The following PHF8 variants were observed in gnomAD, a reference collection of about 807,000 sequenced individuals.
PHF8 encodes the protein histone lysine demethylase PHF8.
A neutral mutation model predicts 74.4 loss-of-function variants in PHF8; 9 were observed. The observed-to-expected ratio is 0.12, with a 90% CI of 0.07 to 0.21. PHF8 has a LOEUF of 0.21. Ranked by LOEUF, PHF8 falls within the 10% of genes least tolerant of loss-of-function variation. PHF8 has a pLI of 1.00. For synonymous variants in PHF8, 311 were observed against 316.6 expected (o/e 0.98, Z 0.19); for missense variants, 478 against 816.6 (o/e 0.59, Z 5.05).
chrX:54,039,689 G>T (rs964579634), intron 2 of PHF8: 7 of 111,871 alleles, frequency 6.3e-5, no homozygotes, highest in African/African-American at 2.3e-4. Flanking sequence ...AACCTTTCCA[G>T]AACGCCCAAA....
At chrX:53,943,442 T>C (rs782469664) in intron 20 of PHF8, 23 of 1,061,966 alleles carry the variant, frequency 2.2e-5, no homozygotes, top group East Asian at 6.8e-5. Context: ...AACAGGGCTA[T>C]TGGGCAGATA....
chrX:53,961,432 A>T (rs1322358505), intron 19 of PHF8, among the ~76,000 whole-genome samples: 1 of 109,230 alleles, frequency 9.2e-6, no homozygotes, highest in Non-Finnish European at 1.9e-5. Flanking sequence ...GGTTCAAGCA[A>T]TTTTCCTACC....
intron 16 of PHF8, among the ~76,000 whole-genome samples, chrX:53,986,305 G>A (rs781830724): frequency 2.7e-5 from 3 of 112,614 alleles, no homozygotes; most frequent in Non-Finnish European, 3.8e-5. Flanking sequence ...GCAGTGGCAC[G>A]ATCTCGGCTC....
At chrX:53,980,035 A>C (rs1437336752) in intron 18 of PHF8, among the ~76,000 whole-genome samples, 1 of 111,544 alleles carries the variant, frequency 9.0e-6, no homozygotes, top group East Asian at 2.8e-4. Context: ...CTATGAGAGT[A>C]GTCTAACAGA....
intron 19 of PHF8, among the ~76,000 whole-genome samples, chrX:53,957,722 G>A (rs2065035599): frequency 9.0e-6 from 1 of 111,542 alleles, no homozygotes; most frequent in Non-Finnish European, 1.9e-5. Context: ...CAGCCAAATA[G>A]ATGTGTAAAA....
chrX:53,959,139 T>C (rs1221124804), intron 19 of PHF8, among the ~76,000 whole-genome samples: 1 of 111,863 alleles, frequency 8.9e-6, no homozygotes, highest in Non-Finnish European at 1.9e-5. Flanking sequence ...AGACCAGATG[T>C]CTCTATTGGT....
At chrX:54,035,015 A>T (rs2066428136) in intron 2 of PHF8, among the ~76,000 whole-genome samples, 1 of 109,592 alleles carries the variant, frequency 9.1e-6, no homozygotes, top group Non-Finnish European at 1.9e-5. Flanking sequence ...CAACAACAAC[A>T]AAACGATTAA....
At chrX:54,026,767 G>GAA (rs2066274612) in intron 2 of PHF8, among the ~76,000 whole-genome samples, 1 of 109,833 alleles carries the variant, frequency 9.1e-6, no homozygotes, top group South Asian at 3.9e-4. Context: ...CACCTAATTT[G>GAA]TGTCTGTACG....
At position 53,951,335 on chromosome X, in the gene PHF8, TAAC is replaced by T. The variant is rs782792318; in HGVS notation, c.2540-7095_2540-7093del. Among the ~76,000 whole-genome samples the T allele has an allele frequency of 3.2e-3, 353 of 111,989 alleles. 1 individual carries two copies. Among genetic ancestry groups the T allele is most frequent in the African/African-American group, 0.011 (341 of 30,899 alleles). On this transcript the variant is annotated intron_variant, in intron 19 of 21. Transcript: ENST00000338154. ...TCTGAAGGACACCTATTCGAAGAAA[TAAC>T]AACTAAAAACTTTCCAAATTTGATG...
intron 19 of PHF8, among the ~76,000 whole-genome samples, chrX:53,948,326 G>A (rs139161714): frequency 0.01 from 1,146 of 111,723 alleles, 14 homozygotes; most frequent in African/African-American, 0.035. Context: ...TCACAGTCAC[G>A]CAGTGGCGTG....
Position 53,989,306 on chromosome X carries a change from A to G in PHF8, c.1731-1362T>C, listed in dbSNP as rs781964724. On this transcript the variant is annotated intron_variant, in intron 14 of 21. Transcript: ENST00000338154. ...AACACATACAATGAGTTACCACTTT[A>G]CATCCACCGGAATGGCTATAGTCAA... is the stretch of plus-strand genomic sequence containing the variant. Among the ~76,000 whole-genome samples, 98 of 111,725 alleles carry G rather than the reference A, an allele frequency of 8.8e-4. 6 individuals carry two copies. The South Asian group carries it at 0.037, about 42-fold the overall frequency.
chrX:54,009,844 G>GGAAAAAAAAAAAAAAAAAAAAAAA lies in PHF8; in HGVS notation c.946+1277_946+1278insTTTTTTTTTTTTTTTTTTTTTTTC, dbSNP rs2065952773. On this transcript the variant is annotated intron_variant, in intron 8 of 21. Coordinates refer to ENST00000338154, the MANE Select transcript of PHF8 (RefSeq NM_015107.3). Reference sequence around the variant, plus strand: ...GGTGACAGAGTGAGACTCTGTCTCAGAAAAAAAAAAAAAAAAAAAAAAAAA... The same window carrying GGAAAAAAAAAAAAAAAAAAAAAAA: ...GGTGACAGAGTGAGACTCTGTCTCAGGAAAAAAAAAAAAAAAAAAAAAAAAAAAAAAAAAAAAAAAAAAAAAAAA... Among the ~76,000 whole-genome samples the GGAAAAAAAAAAAAAAAAAAAAAAA allele has an allele frequency of 1.2e-3, 11 of 9,390 alleles. 2 individuals are homozygous for GGAAAAAAAAAAAAAAAAAAAAAAA. Among genetic ancestry groups the GGAAAAAAAAAAAAAAAAAAAAAAA allele is most frequent in the African/African-American group, 1.4e-3 (9 of 6,417 alleles). The allele number at this position is 9,390 out of a possible 115,157, so 8.2% of individuals were successfully genotyped here.
At chrX:54,005,486 A>G (rs2065884437) in intron 8 of PHF8, among the ~76,000 whole-genome samples, 1 of 109,582 alleles carries the variant, frequency 9.1e-6, no homozygotes, top group Non-Finnish European at 1.9e-5. Context: ...GAAAAGAAAT[A>G]ATGGCTAAAA....
At chrX:54,021,693 C>T (rs989660906) in intron 4 of PHF8, among the ~76,000 whole-genome samples, 56 of 108,660 alleles carry the variant, frequency 5.2e-4, no homozygotes, top group African/African-American at 1.9e-3. Context: ...TGGTCTCAAT[C>T]TCCTGACCTC....
intron 8 of PHF8, 71 bp downstream of exon 8, chrX:54,011,051 G>A: frequency 1.1e-6 from 1 of 919,169 alleles, no homozygotes; most frequent in Non-Finnish European, 1.6e-6. Context: ...AGATTAATAT[G>A]CTGTGGGGCC....
chrX:53,943,469 A>G, intron 20 of PHF8: 1 of 1,015,582 alleles, frequency 9.8e-7, no homozygotes, highest in Non-Finnish European at 1.3e-6. Context: ...ATTACACATT[A>G]TATATGGAAG....
intron 2 of PHF8, among the ~76,000 whole-genome samples, chrX:54,036,666 G>C (rs1191162732): frequency 9.7e-6 from 1 of 103,125 alleles, no homozygotes; most frequent in East Asian, 3.0e-4. Flanking sequence ...AAATCTATTG[G>C]TGCTGAGAAG....
rs1390319963 is a variant in PHF8 at position 54,002,627 on chromosome X, G to A, written c.1002C>T (p.Phe334=). 8.3e-7 allele frequency: 1 copy of A among 1,202,791 alleles called. No individual in the cohort carries two copies. The highest frequency in any genetic ancestry group is 1.7e-5 in the African/African-American group (1 of 57,645). ...PVDCLAFGGN[F]LHSLNIEMQL... is the part of the protein sequence containing the mutation. ...GCATCTCGATGTTAAGGCTGTGTAA[G>A]AAGTTCCCTCCAAAGGCAAGGCAGT... Residue 334 remains phenylalanine, a synonymous_variant, in exon 9 of 22, where the codon TTC becomes TTT. Transcript: ENST00000338154.
chrX:53,970,808 T>C (rs2065279894), intron 18 of PHF8, among the ~76,000 whole-genome samples: 1 of 111,600 alleles, frequency 9.0e-6, no homozygotes, highest in African/African-American at 3.3e-5. Context: ...ATCCTAAATA[T>C]ATATGTACCC....
Sources: gnomAD v4.1 joint callset for allele counts (sites outside exome capture counted in the v4.1 genomes callset) on GRCh38, gnomAD v4.1.1 for gene constraint, MANE v1.5 for transcripts, NCBI Gene and HGNC (gene_info 2026-07-23, HGNC 2026-07-21) for gene names.